Variants in FRMD6 observed in about 807,000 individuals in gnomAD.
FRMD6 encodes the protein FERM domain-containing protein 6.
FRMD6 carries 37 observed loss-of-function variants against 73.2 expected under a neutral mutation model. That is an observed-to-expected ratio of 0.51 (90% CI 0.39 to 0.66). The LOEUF is 0.66. Among genes scored for constraint, FRMD6 ranks in the 30% least tolerant of loss-of-function variants. The probability of loss-of-function intolerance (pLI) is 0.00; values close to 1 mark genes in which losing one functional copy is unlikely to be tolerated. For synonymous variants in FRMD6, 273 were observed against 282.2 expected (o/e 0.97, Z 0.33); for missense variants, 714 against 780.5 (o/e 0.91, Z 1.02).
intron 1 of FRMD6, among the ~76,000 whole-genome samples, chr14:51,661,939 C>T (rs1225571712): frequency 6.6e-6 from 1 of 152,136 alleles, no homozygotes; most frequent in Non-Finnish European, 1.5e-5. Context: ...GGAGGCCGTG[C>T]ATATCTTCAG....
chr14:51,613,561 A>G (rs150655151), intron 2 of FRMD6, among the ~76,000 whole-genome samples: 1 of 152,120 alleles, frequency 6.6e-6, no homozygotes, highest in Non-Finnish European at 1.5e-5. Context: ...GTATCTGAAA[A>G]CACCAGCAAT....
intron 2 of FRMD6, among the ~76,000 whole-genome samples, chr14:51,639,595 C>G (rs1268654527): frequency 6.6e-6 from 1 of 152,164 alleles, no homozygotes; most frequent in Non-Finnish European, 1.5e-5. Context: ...TAAACCTAAA[C>G]TTGGCATAGC....
chr14:51,574,494 A>G (rs1012918969), intron 2 of FRMD6, among the ~76,000 whole-genome samples: 1 of 152,198 alleles, frequency 6.6e-6, no homozygotes, highest in Non-Finnish European at 1.5e-5. Context: ...CATAAAAGAG[A>G]ATGAGATCCT....
intron 1 of FRMD6, among the ~76,000 whole-genome samples, chr14:51,669,855 T>C (rs1451585136): frequency 6.6e-6 from 1 of 152,050 alleles, no homozygotes; most frequent in Non-Finnish European, 1.5e-5. Context: ...AAAAGCAAAA[T>C]TTTTGTGGTT....
At chr14:51,630,405 C>G (rs76429019) in intron 2 of FRMD6, among the ~76,000 whole-genome samples, 1 of 151,924 alleles carries the variant, frequency 6.6e-6, no homozygotes, top group Non-Finnish European at 1.5e-5. Context: ...TCATCTAGTT[C>G]GAAGTTGGAT....
At chr14:51,452,509 AGGTGCCAGT>A in the FRMD6 span, among the ~76,000 whole-genome samples, 1 of 152,220 alleles carries the variant, frequency 6.6e-6, no homozygotes, top group South Asian at 2.1e-4. Context: ...ATATTGACTG[AGGTGCCAGT>A]GGGCAACTAA....
chr14:51,616,791 G>A (rs1485397431), intron 2 of FRMD6, among the ~76,000 whole-genome samples: 1 of 152,188 alleles, frequency 6.6e-6, no homozygotes, highest in Admixed American at 6.5e-5. Flanking sequence ...CTAATGAACA[G>A]GAACATGAGC....
At chr14:51,704,147 A>G (rs1036387448) in intron 5 of FRMD6, among the ~76,000 whole-genome samples, 1 of 152,112 alleles carries the variant, frequency 6.6e-6, no homozygotes, top group East Asian at 1.9e-4. Flanking sequence ...AAAATCCCCA[A>G]AAAAAGATTT....
At chr14:51,417,272 T>A in the FRMD6 span, among the ~76,000 whole-genome samples, 26 of 152,298 alleles carry the variant, frequency 1.7e-4, no homozygotes, top group African/African-American at 6.0e-4. Flanking sequence ...ATTTGGCATG[T>A]TTTTGCAGTG....
At chr14:51,597,888 C>A (rs1889809935) in intron 2 of FRMD6, among the ~76,000 whole-genome samples, 1 of 152,110 alleles carries the variant, frequency 6.6e-6, no homozygotes, top group Admixed American at 6.5e-5. Context: ...TGCCATTAAA[C>A]CTGATGACAG....
chr14:51,551,844 A>G (rs1224029939), intron 1 of FRMD6, among the ~76,000 whole-genome samples: 2 of 151,970 alleles, frequency 1.3e-5, no homozygotes, highest in Non-Finnish European at 2.9e-5. Flanking sequence ...TTATATAAGT[A>G]TATGTTAAAA....
intron 1 of FRMD6, among the ~76,000 whole-genome samples, chr14:51,493,703 A>C (rs977092136): frequency 6.6e-6 from 1 of 152,220 alleles, no homozygotes; most frequent in Non-Finnish European, 1.5e-5. Context: ...GTCATTTACT[A>C]TATGAATATA....
chr14:51,721,412 C>G (rs999767465), intron 11 of FRMD6, among the ~76,000 whole-genome samples: 2 of 152,180 alleles, frequency 1.3e-5, no homozygotes, highest in African/African-American at 2.4e-5. Context: ...GAGATCAAGG[C>G]CATTCTGGCC....
intron 1 of FRMD6, among the ~76,000 whole-genome samples, chr14:51,688,406 G>C (rs1419427559): frequency 6.6e-6 from 1 of 152,018 alleles, no homozygotes; most frequent in African/African-American, 2.4e-5. Context: ...TCTTTAAGAA[G>C]AATACTAGAT....
chr14:51,446,662 A>G, the FRMD6 span, among the ~76,000 whole-genome samples: 1 of 152,244 alleles, frequency 6.6e-6, no homozygotes, highest in Non-Finnish European at 1.5e-5. Context: ...GAATATTGGC[A>G]ATGATCAATA....
chr14:51,708,337 A>T, intron 7 of FRMD6, 104 bp downstream of exon 7: 1 of 1,085,478 alleles, frequency 9.2e-7, no homozygotes, highest in Non-Finnish European at 1.3e-6. Context: ...AACTTATTTC[A>T]TTTTTTACAT....
At position 51,519,000 on chromosome 14, in the gene FRMD6, G is replaced by A. The variant is rs568910620; in HGVS notation, c.-210+29580G>A. ...ATACATAACGATTTGTCAGCACTGAGTGCAGTAGGAAATGAACAAGATAGT... is the reference window on the plus strand; with the variant it reads ...ATACATAACGATTTGTCAGCACTGAATGCAGTAGGAAATGAACAAGATAGT... On this transcript the variant is annotated intron_variant, in intron 1 of 14. Transcript: ENST00000356218. 2.6e-5 allele frequency among the ~76,000 whole-genome samples: 4 copies of A among 152,264 alleles called. No individual in the cohort carries two copies. In the South Asian group the frequency reaches 8.3e-4, roughly 32 times the overall value.
At chr14:51,655,580 T>C (rs1892764551) in intron 1 of FRMD6, among the ~76,000 whole-genome samples, 1 of 151,994 alleles carries the variant, frequency 6.6e-6, no homozygotes, top group African/African-American at 2.4e-5. Context: ...TAGAAACAAG[T>C]TAAAGGGATA....
chr14:51,730,197 TTTA>T lies in FRMD6; in HGVS notation c.*2171_*2173del, dbSNP rs1898186012. On this transcript the variant is annotated 3_prime_UTR_variant, in exon 14 of 14. Coordinates refer to ENST00000344768, the MANE Select transcript of FRMD6 (RefSeq NM_001267046.2). ...TACTGTAAACAGGTACTGCTTTATG[TTTA>T]TTTTCTCTCTACTTCAACCAAAATC... 1 of 152,238 alleles carries T rather than the reference TTTA, an allele frequency of 6.6e-6. No homozygotes were observed. 9.4% of individuals were successfully genotyped at this position (152,238 alleles called of 1,614,324 possible). A position where few individuals can be genotyped will look rare whatever the true frequency, so the allele number is the denominator to read the frequency against.
Sources: gnomAD v4.1 joint callset for allele counts (sites outside exome capture counted in the v4.1 genomes callset) on GRCh38, gnomAD v4.1.1 for gene constraint, MANE v1.5 for transcripts, NCBI Gene and HGNC (gene_info 2026-07-23, HGNC 2026-07-21) for gene names.